DCC: variants seen among roughly 807,000 people sequenced by gnomAD.
DCC encodes netrin receptor DCC.
In DCC, 58 loss-of-function variants were observed where a neutral mutation model predicts 172.5. That is an observed-to-expected ratio of 0.34 (90% CI 0.27 to 0.42). The LOEUF (loss-of-function observed/expected upper bound fraction) is 0.42, where lower values mean the gene tolerates loss of function less well. Ranked by LOEUF, DCC falls within the 10% of genes least tolerant of loss-of-function variation. The pLI is 1.00. For missense variants in DCC, 1,740 were observed against 1,791.0 expected (o/e 0.97, Z 0.51); for synonymous variants, 709 against 644.5 (o/e 1.10, Z -1.52).
intron 1 of DCC, among the ~76,000 whole-genome samples, chr18:52,720,088 C>T (rs561473150): frequency 2.6e-5 from 4 of 152,050 alleles, no homozygotes; most frequent in East Asian, 1.9e-4. Flanking sequence ...GATACGGTGG[C>T]GCAGGCAGCT....
chr18:52,571,590 A>G (rs75535025), intron 1 of DCC, among the ~76,000 whole-genome samples: 1 of 152,140 alleles, frequency 6.6e-6, no homozygotes, highest in African/African-American at 2.4e-5. Flanking sequence ...CCCAGTGTCC[A>G]TGAGCCCTGA....
chr18:52,695,684 T>G (rs930304221), intron 1 of DCC, among the ~76,000 whole-genome samples: 1 of 152,162 alleles, frequency 6.6e-6, no homozygotes, highest in Admixed American at 6.5e-5. Flanking sequence ...TAGTGGAAGA[T>G]GGATAACTGG....
chr18:53,410,888 T>C (rs113876995), intron 20 of DCC, among the ~76,000 whole-genome samples: 1 of 151,802 alleles, frequency 6.6e-6, no homozygotes, highest in Non-Finnish European at 1.5e-5. Context: ...TGCTAGAAGT[T>C]TATTGATGTC....
intron 15 of DCC, among the ~76,000 whole-genome samples, chr18:53,377,389 G>GAGAGAGAGAGAGAGAGAGAGA (rs56300801): frequency 2.7e-5 from 4 of 148,028 alleles, no homozygotes; most frequent in African/African-American, 7.5e-5. Flanking sequence ...GAGAGAGAGA[G>GAGAGAGAGAGAGAGAGAGAGA]GAAGAAGGCC....
intron 6 of DCC, among the ~76,000 whole-genome samples, chr18:53,064,978 C>T (rs921423602): frequency 4.6e-5 from 7 of 152,102 alleles, no homozygotes; most frequent in African/African-American, 1.7e-4. Context: ...CTCATTACAG[C>T]CAACCAATTT....
intron 1 of DCC, among the ~76,000 whole-genome samples, chr18:52,349,117 C>T (rs568451465): frequency 9.9e-5 from 15 of 152,134 alleles, no homozygotes; most frequent in Non-Finnish European, 1.9e-4. Flanking sequence ...GGCCCAATAT[C>T]ATTGTTACAT....
chr18:53,272,900 A>G (rs1367316090), intron 12 of DCC, among the ~76,000 whole-genome samples: 1 of 152,166 alleles, frequency 6.6e-6, no homozygotes, highest in Non-Finnish European at 1.5e-5. Context: ...TGATTCTCGA[A>G]GAATGAAGCT....
intron 7 of DCC, among the ~76,000 whole-genome samples, chr18:53,091,859 CT>C (rs2043017537): frequency 2.8e-5 from 4 of 141,038 alleles, no homozygotes; most frequent in East Asian, 4.6e-4. Context: ...ATCAATCTAT[CT>C]ATATATATAT....
intron 2 of DCC, among the ~76,000 whole-genome samples, chr18:52,800,559 T>C (rs999460361): frequency 1.3e-5 from 2 of 152,206 alleles, no homozygotes; most frequent in African/African-American, 2.4e-5. Flanking sequence ...TCCTTCTCAG[T>C]TGAAAATGGT....
chr18:52,528,429 T>A (rs1014806751), intron 1 of DCC, among the ~76,000 whole-genome samples: 28 of 152,332 alleles, frequency 1.8e-4, no homozygotes, highest in Admixed American at 1.7e-3. Flanking sequence ...TAAGGAATTT[T>A]GACCATATTT....
At chr18:52,962,683 T>C (rs907639807) in intron 5 of DCC, among the ~76,000 whole-genome samples, 1 of 151,726 alleles carries the variant, frequency 6.6e-6, no homozygotes, top group African/African-American at 2.4e-5. Flanking sequence ...CTATTCACAG[T>C]AGCAAAGACT....
At chr18:53,065,977 C>A (rs1230694987) in intron 6 of DCC, 69 bp from the exon 7 acceptor site, 11 of 1,595,024 alleles carry the variant, frequency 6.9e-6, no homozygotes, top group Non-Finnish European at 9.4e-6. Context: ...TTGGTCTCAT[C>A]TAAGTTCATT....
chr18:52,987,874 C>T (rs1359258157), intron 5 of DCC, among the ~76,000 whole-genome samples: 1 of 152,240 alleles, frequency 6.6e-6, no homozygotes, highest in East Asian at 1.9e-4. Flanking sequence ...ATTTCATATA[C>T]TTATTCCTTA....
chr18:52,747,699 CCT>C, intron 1 of DCC, among the ~76,000 whole-genome samples: 1 of 152,228 alleles, frequency 6.6e-6, no homozygotes, highest in South Asian at 2.1e-4. Flanking sequence ...TAAGATTAAT[CCT>C]TGGATGAAGT....
intron 3 of DCC, among the ~76,000 whole-genome samples, chr18:52,921,843 T>C (rs1173084432): frequency 6.6e-6 from 1 of 151,970 alleles, no homozygotes; most frequent in African/African-American, 2.4e-5. Context: ...TCTTGATGTT[T>C]TTCACAGGGG....
chr18:53,222,690 G>A (rs1343034888), intron 12 of DCC, among the ~76,000 whole-genome samples: 2 of 151,844 alleles, frequency 1.3e-5, no homozygotes, highest in African/African-American at 4.8e-5. Flanking sequence ...CCGGCCTATG[G>A]TACTTTCCCA....
chr18:52,842,392 A>T (rs1367745474), intron 2 of DCC, among the ~76,000 whole-genome samples: 3 of 152,182 alleles, frequency 2.0e-5, no homozygotes, highest in Admixed American at 2.0e-4. Context: ...AGAATCAGGA[A>T]CATTGAGGTA....
chr18:52,855,856 C>G (rs1164576394), intron 2 of DCC, among the ~76,000 whole-genome samples: 1 of 147,084 alleles, frequency 6.8e-6, no homozygotes, highest in Non-Finnish European at 1.5e-5. Context: ...ACCTCTGCTT[C>G]CTGGGTTCAT....
intron 5 of DCC, among the ~76,000 whole-genome samples, chr18:52,980,068 GC>G (rs2041183758): frequency 3.9e-5 from 6 of 152,054 alleles, no homozygotes; most frequent in Admixed American, 1.3e-4. Flanking sequence ...ATCTGCCCCC[GC>G]CACCCCCAAC....
Sources: gnomAD v4.1 joint callset for allele counts (sites outside exome capture counted in the v4.1 genomes callset) on GRCh38, gnomAD v4.1.1 for gene constraint, MANE v1.5 for transcripts, NCBI Gene and HGNC (gene_info 2026-07-23, HGNC 2026-07-21) for gene names.